Variants in NKAIN2 observed in about 807,000 individuals in gnomAD.
NKAIN2 encodes sodium/potassium-transporting ATPase subunit beta-1-interacting protein 2.
In NKAIN2, 14 loss-of-function variants were observed where a neutral mutation model predicts 32.6. The ratio of observed to expected loss-of-function variants is 0.43; its 90% CI spans 0.28 to 0.67. The LOEUF (loss-of-function observed/expected upper bound fraction) is 0.67, where lower values mean the gene tolerates loss of function less well. Ranked by LOEUF, NKAIN2 falls within the 30% of genes least tolerant of loss-of-function variation. The probability of loss-of-function intolerance (pLI) is 0.17; values close to 1 mark genes in which losing one functional copy is unlikely to be tolerated. For synonymous variants in NKAIN2, 80 were observed against 87.2 expected (o/e 0.92, Z 0.46); for missense variants, 198 against 258.3 (o/e 0.77, Z 1.60).
intron 1 of NKAIN2, among the ~76,000 whole-genome samples, chr6:123,829,570 A>G (rs1175895202): frequency 6.6e-6 from 1 of 152,096 alleles, no homozygotes; most frequent in African/African-American, 2.4e-5. Context: ...TTGCTTGTAG[A>G]CTGCTTATGC....
chr6:124,200,303 T>C (rs943288349), intron 1 of NKAIN2, among the ~76,000 whole-genome samples: 1 of 152,128 alleles, frequency 6.6e-6, no homozygotes, highest in African/African-American at 2.4e-5. Flanking sequence ...AGCATAAATA[T>C]TTAAACTTCT....
chr6:124,498,264 T>C (rs1271118681), intron 3 of NKAIN2, among the ~76,000 whole-genome samples: 3 of 152,146 alleles, frequency 2.0e-5, no homozygotes, highest in Non-Finnish European at 2.9e-5. Context: ...ATGTGCTTTG[T>C]AGCCGAGCAA....
At chr6:124,118,728 G>C (rs1316423389) in intron 1 of NKAIN2, among the ~76,000 whole-genome samples, 1 of 152,108 alleles carries the variant, frequency 6.6e-6, no homozygotes, top group Non-Finnish European at 1.5e-5. Context: ...GTCTATAATT[G>C]TGTCATTTTG....
At chr6:124,555,797 T>C (rs971927) in intron 3 of NKAIN2, among the ~76,000 whole-genome samples, 72,922 of 152,016 alleles carry the variant, frequency 0.48, 19,530 homozygotes, top group East Asian at 0.78. Flanking sequence ...CCAGATTATA[T>C]GGACAAATAT....
At chr6:124,448,460 A>C (rs1775979848) in intron 3 of NKAIN2, among the ~76,000 whole-genome samples, 1 of 152,180 alleles carries the variant, frequency 6.6e-6, no homozygotes, top group Admixed American at 6.6e-5. Flanking sequence ...ATTTGGAAGC[A>C]GCTTCCTGCT....
At chr6:124,719,813 T>A (rs1775930606) in intron 4 of NKAIN2, among the ~76,000 whole-genome samples, 1 of 152,052 alleles carries the variant, frequency 6.6e-6, no homozygotes, top group African/African-American at 2.4e-5. Context: ...GTAATGGAAC[T>A]TTTCTCCTAT....
intron 5 of NKAIN2, among the ~76,000 whole-genome samples, chr6:124,796,431 GTCCACA>G (rs1336364500): frequency 8.5e-5 from 13 of 152,196 alleles, no homozygotes; most frequent in African/African-American, 2.2e-4. Flanking sequence ...TCACAATTCA[GTCCACA>G]TCCAAATACA....
chr6:124,445,865 A>T (rs1298647472), intron 3 of NKAIN2, among the ~76,000 whole-genome samples: 1 of 152,146 alleles, frequency 6.6e-6, no homozygotes, highest in Admixed American at 6.6e-5. Flanking sequence ...CTTTGCTAAA[A>T]ACATACGTGA....
intron 1 of NKAIN2, among the ~76,000 whole-genome samples, chr6:124,198,295 A>G (rs1243245615): frequency 6.6e-6 from 1 of 151,868 alleles, no homozygotes; most frequent in East Asian, 2.0e-4. Context: ...AGTAGACTGC[A>G]GTTGTTTAGT....
intron 5 of NKAIN2, among the ~76,000 whole-genome samples, chr6:124,805,458 A>C (rs927305173): frequency 3.3e-5 from 5 of 151,940 alleles, no homozygotes; most frequent in Non-Finnish European, 7.4e-5. Context: ...AAACTAACAA[A>C]CAGAAAGGAC....
At chr6:123,859,771 A>G (rs1775708177) in intron 1 of NKAIN2, among the ~76,000 whole-genome samples, 1 of 151,938 alleles carries the variant, frequency 6.6e-6, no homozygotes, top group Admixed American at 6.6e-5. Flanking sequence ...GCTCATTGCA[A>G]CCTCCACCTC....
chr6:123,848,569 C>T (rs924021712), intron 1 of NKAIN2, among the ~76,000 whole-genome samples: 2 of 152,174 alleles, frequency 1.3e-5, no homozygotes, highest in African/African-American at 2.4e-5. Context: ...TCCCCTTCCA[C>T]CACAATTGTA....
At chr6:124,797,117 G>T (rs1159988071) in intron 5 of NKAIN2, among the ~76,000 whole-genome samples, 1 of 143,762 alleles carries the variant, frequency 7.0e-6, no homozygotes, top group Non-Finnish European at 1.5e-5. Context: ...GTTCGATGTG[G>T]CAATTAAAAG....
intron 1 of NKAIN2, among the ~76,000 whole-genome samples, chr6:124,160,962 C>T (rs1788245461): frequency 6.6e-6 from 1 of 151,960 alleles, no homozygotes; most frequent in Non-Finnish European, 1.5e-5. Flanking sequence ...TATAAAATTT[C>T]TATATATATA....
intron 4 of NKAIN2, among the ~76,000 whole-genome samples, chr6:124,668,421 G>A (rs1376082861): frequency 2.6e-5 from 4 of 152,094 alleles, no homozygotes; most frequent in African/African-American, 2.4e-5. Context: ...CATCAACAAC[G>A]TTATAAATAG....
At chr6:123,950,817 T>C (rs1047100695) in intron 1 of NKAIN2, among the ~76,000 whole-genome samples, 3 of 152,154 alleles carry the variant, frequency 2.0e-5, no homozygotes, top group South Asian at 2.1e-4. Context: ...TATTATTCTT[T>C]TGCTTCTACT....
Position 124,493,717 on chromosome 6 carries a change from CAAAAAAAAA to C in NKAIN2, c.273+138385_273+138393del, listed in dbSNP as rs71021496. On this transcript the variant is annotated intron_variant, in intron 3 of 6. Coordinates refer to ENST00000368417, the MANE Select transcript of NKAIN2 (RefSeq NM_001040214.3). ...CTTTCTGCACACCAACCCCCCCCTC[CAAAAAAAAA>C]AAAAAAAAAAAAAACAGTCAACATC... 7.2e-3 allele frequency among the ~76,000 whole-genome samples: 621 copies of C among 85,832 alleles called. 12 individuals carry two copies. Among genetic ancestry groups the C allele is most frequent in the African/African-American group, 0.029 (550 of 19,156 alleles). The allele number at this position is 85,832 out of a possible 152,430, so 56.3% of individuals were successfully genotyped here.
At chr6:124,217,666 T>A (rs919471602) in intron 1 of NKAIN2, among the ~76,000 whole-genome samples, 1 of 152,126 alleles carries the variant, frequency 6.6e-6, no homozygotes, top group Non-Finnish European at 1.5e-5. Flanking sequence ...CCAATTGACA[T>A]TCTCGACTGC....
chr6:124,794,222 T>C (rs1779899537), intron 5 of NKAIN2, among the ~76,000 whole-genome samples: 1 of 152,184 alleles, frequency 6.6e-6, no homozygotes, highest in Non-Finnish European at 1.5e-5. Flanking sequence ...GTATGGTTAA[T>C]GCAAGTCTCC....
Sources: allele counts gnomAD v4.1 joint callset (sites outside exome capture counted in the v4.1 genomes callset), GRCh38; gene constraint gnomAD v4.1.1; transcripts MANE v1.5; gene names NCBI Gene and HGNC (gene_info 2026-07-23, HGNC 2026-07-21).